Variants in LONP2 observed in about 807,000 individuals in gnomAD.
The protein encoded by LONP2 is lon protease homolog 2, peroxisomal.
LONP2 carries 60 observed loss-of-function variants against 85.6 expected under a neutral mutation model. The observed-to-expected ratio is 0.70, with a 90% CI of 0.57 to 0.87. The LOEUF is 0.87. Ranked by LOEUF, LONP2 falls within the 40% of genes least tolerant of loss-of-function variation. The pLI, the probability that LONP2 is intolerant of heterozygous loss-of-function variation, is 0.00. For missense variants in LONP2, 860 were observed against 1,063.5 expected (o/e 0.81, Z 2.66); for synonymous variants, 395 against 389.7 (o/e 1.01, Z -0.16).
chr16:48,295,437 T>G (rs1401329184), intron 8 of LONP2, among the ~76,000 whole-genome samples: 1 of 152,242 alleles, frequency 6.6e-6, no homozygotes, highest in African/African-American at 2.4e-5. Context: ...AAGCCATTTT[T>G]AAATAGTGAA....
At chr16:48,348,823 G>GA (rs1459994877) in intron 14 of LONP2, among the ~76,000 whole-genome samples, 1 of 151,944 alleles carries the variant, frequency 6.6e-6, no homozygotes, top group Admixed American at 6.6e-5. Flanking sequence ...TTTGCTAAGG[G>GA]AAAAAAATAT....
At chr16:48,361,954 G>A (rs1391324763), downstream of LONP2, 1 of 1,614,174 alleles carries the variant, frequency 6.2e-7, no homozygotes, top group Non-Finnish European at 8.5e-7. Flanking sequence ...TCCTCTCCCT[G>A]TAGGGTTGTA....
At chr16:48,301,016 T>A (rs1301031729) in intron 10 of LONP2, among the ~76,000 whole-genome samples, 1 of 152,242 alleles carries the variant, frequency 6.6e-6, no homozygotes, top group Admixed American at 6.5e-5. Context: ...ACTCAAAATA[T>A]CAGATCTTAA....
rs1049500079 is a variant in LONP2 at position 48,355,368 on chromosome 16, A to G, written c.*3566A>G. On this transcript the variant is annotated 3_prime_UTR_variant, in exon 15 of 15. Transcript: ENST00000285737. Reference sequence around the variant, plus strand: ...TTTTGCCCTTCGATTCCCTTCCACCATATGAGGACACAGCAACAGGCCCCG... The same window carrying G: ...TTTTGCCCTTCGATTCCCTTCCACCGTATGAGGACACAGCAACAGGCCCCG... 1 of 152,164 alleles carries G rather than the reference A, an allele frequency of 6.6e-6. No homozygotes were observed. Among genetic ancestry groups the G allele is most frequent in the Non-Finnish European group, 1.5e-5 (1 of 68,052 alleles). The allele number at this position is 152,164 out of a possible 1,614,324, so 9.4% of individuals were successfully genotyped here.
intron 1 of LONP2, chr16:48,247,369 T>A (rs1321150497): frequency 4.6e-5 from 7 of 152,504 alleles, no homozygotes; most frequent in African/African-American, 1.7e-4. Context: ...TCCTTTCTCT[T>A]GTTTCCTTTG....
chr16:48,336,388 T>C (rs780641072), intron 12 of LONP2: 4 of 456,174 alleles, frequency 8.8e-6, no homozygotes, highest in African/African-American at 2.0e-5. Flanking sequence ...TTTTGTCTTT[T>C]ATAGATAGCA....
At chr16:48,256,859 A>G in intron 3 of LONP2, 118 bp downstream of exon 3, 1 of 874,036 alleles carries the variant, frequency 1.1e-6, no homozygotes. Flanking sequence ...AGTAATTGAA[A>G]TGCTTTTACA....
rs138928322 is a variant in LONP2, at chr16:48,323,484, G to A, written c.1796-10732G>A. Among the ~76,000 whole-genome samples the A allele has an allele frequency of 6.9e-3, 1,045 of 152,026 alleles. 13 individuals are homozygous for A. The highest frequency in any genetic ancestry group is 0.024 in the African/African-American group (982 of 41,490). On this transcript the variant is annotated intron_variant, in intron 11 of 14. Transcript: ENST00000285737. Reference sequence around the variant, plus strand: ...AACCTGGCCAACATGGCAAAACCCCGTCTCTACTAAAAATACAAAAAATTA... The same window carrying A: ...AACCTGGCCAACATGGCAAAACCCCATCTCTACTAAAAATACAAAAAATTA...
At chr16:48,281,084 G>T (rs1440961269) in intron 8 of LONP2, among the ~76,000 whole-genome samples, 1 of 152,056 alleles carries the variant, frequency 6.6e-6, no homozygotes, top group Non-Finnish European at 1.5e-5. Context: ...ATGATATCTA[G>T]ATATTATTTG....
chr16:48,329,674 AG>A (rs1282296792), intron 11 of LONP2, among the ~76,000 whole-genome samples: 1 of 152,174 alleles, frequency 6.6e-6, no homozygotes, highest in Non-Finnish European at 1.5e-5. Context: ...CCTGTGGAGA[AG>A]GGGTGACTAC....
At chr16:48,290,078 G>A (rs776591836) in intron 8 of LONP2, among the ~76,000 whole-genome samples, 11 of 151,940 alleles carry the variant, frequency 7.2e-5, no homozygotes, top group African/African-American at 9.7e-5. Flanking sequence ...GAATATTTTC[G>A]TTTCTTTAAT....
intron 12 of LONP2, among the ~76,000 whole-genome samples, chr16:48,340,746 A>C (rs1378560020): frequency 6.6e-6 from 1 of 150,596 alleles, no homozygotes; most frequent in Non-Finnish European, 1.5e-5. Context: ...GGATCGCTTG[A>C]GTTCGAGACC....
At chr16:48,360,945 T>TG (rs1462344249), downstream of LONP2, 2 of 152,006 alleles carry the variant, frequency 1.3e-5, no homozygotes, top group African/African-American at 4.8e-5. Flanking sequence ...AACTGATTAA[T>TG]GGGGGAAAAG....
At chr16:48,282,106 A>G (rs1272045488) in intron 8 of LONP2, among the ~76,000 whole-genome samples, 1 of 152,194 alleles carries the variant, frequency 6.6e-6, no homozygotes, top group African/African-American at 2.4e-5. Flanking sequence ...TGTTTTTTTA[A>G]CAAATTAAAT....
intron 8 of LONP2, among the ~76,000 whole-genome samples, chr16:48,282,646 C>T (rs1242631014): frequency 6.6e-6 from 1 of 152,108 alleles, no homozygotes; most frequent in Non-Finnish European, 1.5e-5. Flanking sequence ...TATAAGACAG[C>T]AAACTTAATC....
intron 4 of LONP2, 105 bp from the exon 5 acceptor site, chr16:48,261,319 C>G: frequency 1.3e-6 from 1 of 795,784 alleles, no homozygotes; most frequent in Non-Finnish European, 1.9e-6. Flanking sequence ...AGACTGTAGT[C>G]ATAAAAATAT....
intron 1 of LONP2, among the ~76,000 whole-genome samples, chr16:48,248,288 T>C (rs1596897301): frequency 7.3e-6 from 1 of 136,360 alleles, no homozygotes; most frequent in East Asian, 2.1e-4. Flanking sequence ...TGCCTAGCTA[T>C]TTTTTTTTTT....
intron 7 of LONP2, among the ~76,000 whole-genome samples, chr16:48,272,315 T>C (rs895267211): frequency 5.3e-5 from 8 of 152,338 alleles, no homozygotes; most frequent in Non-Finnish European, 7.3e-5. Context: ...TTACTTAATT[T>C]ATACGGCAGA....
downstream of LONP2, chr16:48,361,785 C>T: frequency 3.1e-6 from 5 of 1,614,136 alleles, no homozygotes; most frequent in Non-Finnish European, 4.2e-6. Flanking sequence ...AGCTTGCTTG[C>T]GTGTTCCTAT....
Sources: gnomAD v4.1 joint callset for allele counts (sites outside exome capture counted in the v4.1 genomes callset) on GRCh38, gnomAD v4.1.1 for gene constraint, MANE v1.5 for transcripts, NCBI Gene and HGNC (gene_info 2026-07-23, HGNC 2026-07-21) for gene names.